Variants in PKD2 observed in about 807,000 individuals in gnomAD.
The protein encoded by PKD2 is polycystin 2, transient receptor potential cation channel, also known as polycystin-2.
PKD2 carries 48 observed loss-of-function variants against 105.9 expected under a neutral mutation model. That is an observed-to-expected ratio of 0.45 (90% CI 0.36 to 0.58). The LOEUF (loss-of-function observed/expected upper bound fraction) is 0.58. Among genes scored for constraint, PKD2 ranks in the 20% least tolerant of loss-of-function variants. PKD2 has a pLI of 0.00. For missense variants in PKD2, 1,078 were observed against 1,255.3 expected, an observed-to-expected ratio of 0.86 and a Z score of 2.13; for synonymous variants, 464 against 481.1, an observed-to-expected ratio of 0.96 and a Z score of 0.46.
chr4:88,036,175 T>C, intron 2 of PKD2, 45 bp from the exon 3 acceptor site: 1 of 1,613,638 alleles, frequency 6.2e-7, no homozygotes, highest in African/African-American at 1.3e-5. Context: ...TGTGAATGTG[T>C]GCCGGTTCCC....
intron 5 of PKD2, 124 bp downstream of exon 5, chr4:88,043,581 A>T (rs1220810015): frequency 3.0e-6 from 2 of 675,532 alleles, no homozygotes; most frequent in African/African-American, 3.6e-5. Context: ...ACCCAGACGG[A>T]TAGCAAGGGA....
intron 1 of PKD2, among the ~76,000 whole-genome samples, chr4:88,017,057 G>C (rs1726583982): frequency 6.6e-6 from 1 of 151,660 alleles, no homozygotes; most frequent in African/African-American, 2.4e-5. Context: ...CAAGTGCAGT[G>C]GCATGCCTGT....
At chr4:88,014,128 C>T (rs751029519) in intron 1 of PKD2, among the ~76,000 whole-genome samples, 26 of 152,158 alleles carry the variant, frequency 1.7e-4, no homozygotes, top group Non-Finnish European at 3.4e-4. Context: ...CAAAAACCAT[C>T]AGAACTGTGG....
chr4:88,050,900 T>C lies in PKD2; in HGVS notation c.1549-1091T>C, dbSNP rs139271859. ...AGCTGGTCTTTGCTATGAGAATCAGTGGGACCATGATCTCTATGGTCATCT... is the reference window on the plus strand; with the variant it reads ...AGCTGGTCTTTGCTATGAGAATCAGCGGGACCATGATCTCTATGGTCATCT... On this transcript the variant is annotated intron_variant, in intron 6 of 14. Coordinates refer to ENST00000237596, the MANE Select transcript of PKD2 (RefSeq NM_000297.4). Among the ~76,000 whole-genome samples the C allele has an allele frequency of 1.6e-4, 24 of 152,258 alleles. No homozygotes were observed. In the East Asian group the frequency reaches 4.6e-3, roughly 29 times the overall value.
intron 3 of PKD2, 196 bp downstream of exon 3, chr4:88,036,549 C>T (rs1329204784): frequency 3.3e-6 from 1 of 305,396 alleles, no homozygotes; most frequent in Admixed American, 6.5e-5. Flanking sequence ...TTTGCCTGTG[C>T]CTTGCACTGT....
rs551177718 is a variant in PKD2, at chr4:88,062,094, T to C, written c.2118+90T>C. On this transcript the variant is annotated intron_variant, in intron 10 of 14. Transcript: ENST00000237596. The stretch of plus-strand genomic sequence containing the variant: ...AGATTTTCAAATCAACATTGATCCA[T>C]TGAAATTGTTTGAAATAAAGAATAC... The C allele has an allele frequency of 8.0e-5, 58 of 727,050 alleles. No homozygotes were observed. The African/African-American group carries it at 8.8e-4, about 11-fold the overall frequency. 45.0% of individuals were successfully genotyped at this position (727,050 alleles called of 1,614,324 possible).
intron 12 of PKD2, 68 bp downstream of exon 12, chr4:88,065,947 T>C (rs1489437977): frequency 4.5e-6 from 4 of 879,568 alleles, no homozygotes; most frequent in African/African-American, 3.3e-5. Context: ...TCAAACACTA[T>C]AGAAGTAGTG....
chr4:88,024,630 T>TA (rs1341273526), intron 2 of PKD2, among the ~76,000 whole-genome samples: 1 of 152,076 alleles, frequency 6.6e-6, no homozygotes, highest in Non-Finnish European at 1.5e-5. Flanking sequence ...ATATATAGTT[T>TA]AAACACATTA....
intron 9 of PKD2, among the ~76,000 whole-genome samples, chr4:88,061,081 C>A (rs761116432): frequency 6.6e-6 from 1 of 152,108 alleles, no homozygotes; most frequent in Non-Finnish European, 1.5e-5. Flanking sequence ...CTGCTGTATT[C>A]CTATTTGCAA....
At chr4:88,054,830 A>G (rs1720263324) in intron 7 of PKD2, among the ~76,000 whole-genome samples, 1 of 151,302 alleles carries the variant, frequency 6.6e-6, no homozygotes, top group Non-Finnish European at 1.5e-5. Flanking sequence ...AATTTTTTAT[A>G]TTTTTAGTAG....
At chr4:88,057,834 T>G in intron 8 of PKD2, 149 bp from the exon 9 acceptor site, 1 of 692,422 alleles carries the variant, frequency 1.4e-6, no homozygotes, top group East Asian at 2.6e-5. Context: ...AGCAAGACTT[T>G]GTAAATGGGA....
intron 10 of PKD2, 84 bp from the exon 11 acceptor site, chr4:88,065,290 A>G: frequency 8.4e-7 from 1 of 1,190,570 alleles, no homozygotes; most frequent in South Asian, 1.2e-5. Flanking sequence ...GGTTTGTAGT[A>G]GTTACTACTG....
Position 88,050,809 on chromosome 4 carries a change from A to G in PKD2, c.1549-1182A>G, listed in dbSNP as rs150829435. Among the ~76,000 whole-genome samples the G allele has an allele frequency of 2.9e-4, 44 of 152,112 alleles. 1 individual carries two copies. The highest frequency in any genetic ancestry group is 9.2e-4 in the African/African-American group (38 of 41,508). ...CAAAAATACAAGATTGGCTCTGGAA[A>G]TCCTTCACAGAGAAGGAAGGAAAGG... On this transcript the variant is annotated intron_variant, in intron 6 of 14. Transcript: ENST00000237596.
At chr4:88,065,247 A>T in intron 10 of PKD2, 127 bp from the exon 11 acceptor site, 4 of 810,900 alleles carry the variant, frequency 4.9e-6, no homozygotes, top group Middle Eastern at 3.2e-4. Context: ...TCATTCATCC[A>T]GCACGTACTT....
chr4:88,069,068 C>T (rs564515549), intron 13 of PKD2, among the ~76,000 whole-genome samples: 1 of 152,046 alleles, frequency 6.6e-6, no homozygotes, highest in Non-Finnish European at 1.5e-5. Flanking sequence ...TAGTAAAATT[C>T]TTTGTTTTAA....
At chr4:88,039,508 T>C (rs570469114) in intron 4 of PKD2, among the ~76,000 whole-genome samples, 3 of 151,926 alleles carry the variant, frequency 2.0e-5, no homozygotes, top group African/African-American at 7.2e-5. Flanking sequence ...CTACTAAAAA[T>C]ACAAAAATTA....
At chr4:88,057,934 G>A (rs773188646) in intron 8 of PKD2, 49 bp from the exon 9 acceptor site, 2 of 1,422,576 alleles carry the variant, frequency 1.4e-6, no homozygotes, top group Non-Finnish European at 9.9e-7. Context: ...GCATCAACTA[G>A]TGGACATTCT....
In PKD2 at chr4:88,057,436, C is replaced by CTT. The variant is rs770879919; in HGVS notation, c.1899-531_1899-530dup. On this transcript the variant is annotated intron_variant, in intron 8 of 14. Coordinates refer to ENST00000237596, the MANE Select transcript of PKD2 (RefSeq NM_000297.4). ...AGTTATTGAATAATAATTGTATTTT[C>CTT]TTTTTTTTTTTTTTTTTGAGATGGA... 2.9e-4 allele frequency among the ~76,000 whole-genome samples: 39 copies of CTT among 134,354 alleles called. 1 individual carries two copies. Among genetic ancestry groups the CTT allele is most frequent in the Middle Eastern group, 4.2e-3 (1 of 240 alleles). 88.1% of individuals were successfully genotyped at this position (134,354 alleles called of 152,430 possible).
chr4:88,013,231 T>A (rs1311198264), intron 1 of PKD2, among the ~76,000 whole-genome samples: 1 of 152,180 alleles, frequency 6.6e-6, no homozygotes, highest in African/African-American at 2.4e-5. Context: ...GTGGTAAGGT[T>A]GTGCCAGTAA....
Sources: gnomAD v4.1 joint callset for allele counts (sites outside exome capture counted in the v4.1 genomes callset) on GRCh38, gnomAD v4.1.1 for gene constraint, MANE v1.5 for transcripts, NCBI Gene and HGNC (gene_info 2026-07-23, HGNC 2026-07-21) for gene names.